The following GRIN2A variants were observed in gnomAD, a reference collection of about 807,000 sequenced individuals.
GRIN2A encodes the protein glutamate receptor ionotropic, NMDA 2A.
Under a neutral mutation model 113.4 loss-of-function variants are expected in GRIN2A, and 22 were observed. That is an observed-to-expected ratio of 0.19 (90% CI 0.14 to 0.28). The LOEUF is 0.28. GRIN2A is among the 10% of genes least tolerant of loss of function. GRIN2A has a pLI of 1.00. For synonymous variants in GRIN2A, 827 were observed against 738.4 expected, an observed-to-expected ratio of 1.12 and a Z score of -1.94; for missense variants, 1,502 against 1,887.0, an observed-to-expected ratio of 0.80 and a Z score of 3.78.
chr16:9,936,005 T>C (rs1479855604), intron 3 of GRIN2A, among the ~76,000 whole-genome samples: 2 of 152,180 alleles, frequency 1.3e-5, no homozygotes, highest in Non-Finnish European at 2.9e-5. Context: ...CCCAGCCTGC[T>C]GACTGTAATT....
chr16:10,105,461 C>T (rs560833367), intron 2 of GRIN2A, among the ~76,000 whole-genome samples: 1 of 150,450 alleles, frequency 6.6e-6, no homozygotes, highest in Non-Finnish European at 1.5e-5. Flanking sequence ...AATAGAGAAA[C>T]TACAAATTTT....
chr16:10,094,354 T>C (rs773165337), intron 2 of GRIN2A, among the ~76,000 whole-genome samples: 3 of 152,218 alleles, frequency 2.0e-5, no homozygotes, highest in Non-Finnish European at 2.9e-5. Context: ...TATCTCTTAA[T>C]AACAGCTTCT....
chr16:9,863,399 G>A (rs55666830), intron 4 of GRIN2A, among the ~76,000 whole-genome samples: 1 of 151,712 alleles, frequency 6.6e-6, no homozygotes. Flanking sequence ...GTCTTACAGT[G>A]TGCTTTTACT....
chr16:9,836,059 G>A (rs2141330432), intron 7 of GRIN2A, among the ~76,000 whole-genome samples: 1 of 152,290 alleles, frequency 6.6e-6, no homozygotes, highest in South Asian at 2.1e-4. Flanking sequence ...ATTTAATACT[G>A]AGTTGTATCC....
intron 2 of GRIN2A, among the ~76,000 whole-genome samples, chr16:10,121,887 C>T (rs1199605045): frequency 6.6e-6 from 1 of 152,190 alleles, no homozygotes; most frequent in Non-Finnish European, 1.5e-5. Flanking sequence ...ATAATGGAAA[C>T]ACTGACAGGC....
At position 10,101,527 on chromosome 16, in the gene GRIN2A, G is replaced by T. The variant is rs1010184803; in HGVS notation, c.414+78471C>A. Among the ~76,000 whole-genome samples, 3 of 151,982 alleles carry T rather than the reference G, an allele frequency of 2.0e-5. No homozygotes were observed. The East Asian group carries it at 5.8e-4, about 29-fold the overall frequency. ...GAGCAACAGCAGATGTTGGGGCTTC[G>T]AGAAAGATTGCTCTCTGCTTTTGGC... On this transcript the variant is annotated intron_variant, in intron 2 of 12. Transcript: ENST00000330684.
chr16:10,147,639 A>G (rs1459822710), intron 2 of GRIN2A, among the ~76,000 whole-genome samples: 1 of 145,898 alleles, frequency 6.9e-6, no homozygotes, highest in Non-Finnish European at 1.5e-5. Context: ...CCTGTCTCAA[A>G]AAAAAAAAAA....
chr16:10,015,448 T>C (rs1358716043), intron 2 of GRIN2A, among the ~76,000 whole-genome samples: 1 of 152,062 alleles, frequency 6.6e-6, no homozygotes, highest in African/African-American at 2.4e-5. Flanking sequence ...TACTTCCAGG[T>C]GACTTATTTT....
At chr16:10,128,174 C>T (rs746465615) in intron 2 of GRIN2A, among the ~76,000 whole-genome samples, 7 of 152,190 alleles carry the variant, frequency 4.6e-5, no homozygotes, top group Non-Finnish European at 7.3e-5. Flanking sequence ...TGGCAGCTCA[C>T]GGTTGGACCT....
chr16:9,760,475 C>T lies in GRIN2A; in HGVS notation c.*2674G>A, dbSNP rs1159170489. On this transcript the variant is annotated 3_prime_UTR_variant, in exon 13 of 13. Transcript: ENST00000330684. Reference sequence around the variant, plus strand: ...ATAAACTTTGTGTAGCATAACATTTCTGATTATTTATTTGAAAAAACACTT... The same window carrying T: ...ATAAACTTTGTGTAGCATAACATTTTTGATTATTTATTTGAAAAAACACTT... 3.0e-5 allele frequency: 5 copies of T among 168,256 alleles called. No homozygotes were observed. The highest frequency in any genetic ancestry group is 1.4e-4 in the African/African-American group (5 of 35,614). 10.4% of individuals were successfully genotyped at this position (168,256 alleles called of 1,614,324 possible).
intron 10 of GRIN2A, among the ~76,000 whole-genome samples, chr16:9,818,245 G>A (rs969878183): frequency 1.3e-5 from 2 of 151,990 alleles, no homozygotes; most frequent in Admixed American, 6.6e-5. Context: ...TCGGATCTTG[G>A]TGTAGCTCTG....
intron 2 of GRIN2A, among the ~76,000 whole-genome samples, chr16:10,057,960 A>C (rs538169365): frequency 3.3e-5 from 5 of 152,304 alleles, no homozygotes; most frequent in African/African-American, 1.2e-4. Context: ...CAAATAAGTA[A>C]AATAAAATAC....
chr16:10,105,126 T>C (rs949671345), intron 2 of GRIN2A, among the ~76,000 whole-genome samples: 5 of 147,310 alleles, frequency 3.4e-5, no homozygotes, highest in African/African-American at 1.3e-4. Context: ...ATCCCGAGTC[T>C]TCTCTAGAGA....
chr16:9,964,024 G>A (rs1332986874), intron 2 of GRIN2A, among the ~76,000 whole-genome samples: 6 of 152,190 alleles, frequency 3.9e-5, no homozygotes, highest in Non-Finnish European at 7.3e-5. Context: ...GTGGTGTCTT[G>A]ATGCACAGCA....
chr16:9,978,986 G>A (rs1218819909), intron 2 of GRIN2A, among the ~76,000 whole-genome samples: 3 of 152,190 alleles, frequency 2.0e-5, no homozygotes, highest in Non-Finnish European at 4.4e-5. Flanking sequence ...CGAAACCTGT[G>A]AAGAAATCCT....
chr16:9,979,845 CTG>C (rs60999132), intron 2 of GRIN2A, among the ~76,000 whole-genome samples: 90,765 of 132,448 alleles, frequency 0.69, 31,076 homozygotes, highest in Middle Eastern at 0.77. Flanking sequence ...GACTTATATT[CTG>C]TGTGTGTGTG....
intron 2 of GRIN2A, among the ~76,000 whole-genome samples, chr16:10,144,504 G>C (rs559945022): frequency 6.6e-6 from 1 of 152,100 alleles, no homozygotes; most frequent in South Asian, 2.1e-4. Context: ...TTTTTTAATT[G>C]TCCATTTAAT....
At chr16:10,131,009 G>A (rs1049369478) in intron 2 of GRIN2A, among the ~76,000 whole-genome samples, 1 of 152,148 alleles carries the variant, frequency 6.6e-6, no homozygotes, top group Non-Finnish European at 1.5e-5. Context: ...CAAATGAAAT[G>A]GAACTTAAGC....
intron 4 of GRIN2A, among the ~76,000 whole-genome samples, chr16:9,859,005 C>T (rs1007210784): frequency 4.6e-5 from 7 of 152,100 alleles, no homozygotes; most frequent in Admixed American, 6.6e-5. Context: ...TCCTAAAAAA[C>T]AAATATCTAA....
Sources: gnomAD v4.1 joint callset for allele counts (sites outside exome capture counted in the v4.1 genomes callset) on GRCh38, gnomAD v4.1.1 for gene constraint, MANE v1.5 for transcripts, NCBI Gene and HGNC (gene_info 2026-07-23, HGNC 2026-07-21) for gene names.